NUP210L: variants seen among roughly 807,000 people sequenced by gnomAD.
The protein encoded by NUP210L is nuclear pore membrane glycoprotein 210-like.
Under a neutral mutation model 208.5 loss-of-function variants are expected in NUP210L, and 74 were observed. The observed-to-expected ratio is 0.35, with a 90% CI of 0.29 to 0.43. NUP210L has a LOEUF of 0.43. NUP210L is among the 20% of genes least tolerant of loss of function. The pLI is 1.00. For missense variants in NUP210L, 1,843 were observed against 2,289.4 expected (o/e 0.81, Z 3.98); for synonymous variants, 780 against 816.9 (o/e 0.95, Z 0.77).
At chr1:154,054,201 A>G in intron 25 of NUP210L, 27 bp downstream of exon 25, 2 of 1,611,952 alleles carry the variant, frequency 1.2e-6, no homozygotes, top group Non-Finnish European at 1.7e-6. Context: ...AGAAGAATAG[A>G]AGCAGAGCAG....
chr1:154,082,271 T>G (rs773635812), intron 16 of NUP210L, among the ~76,000 whole-genome samples: 5 of 152,196 alleles, frequency 3.3e-5, no homozygotes, highest in Non-Finnish European at 7.3e-5. Context: ...AGGGCAGTCT[T>G]GTTGGGAACT....
chr1:154,113,563 A>G (rs1186577417), intron 12 of NUP210L, among the ~76,000 whole-genome samples: 3 of 152,154 alleles, frequency 2.0e-5, no homozygotes, highest in Non-Finnish European at 4.4e-5. Context: ...GTGGCCTGTA[A>G]AGACTAATGT....
At chr1:154,120,918 T>C (rs976533920) in intron 10 of NUP210L, among the ~76,000 whole-genome samples, 8 of 143,532 alleles carry the variant, frequency 5.6e-5, no homozygotes, top group African/African-American at 2.1e-4. Context: ...AAAAAAAAAG[T>C]AGTGCATTAT....
intron 10 of NUP210L, among the ~76,000 whole-genome samples, chr1:154,125,622 A>AAGG (rs1657862621): frequency 3.5e-5 from 2 of 57,428 alleles, no homozygotes; most frequent in African/African-American, 7.5e-5. Context: ...GCCCTCTCTG[A>AAGG]AAGGAAGGAA....
chr1:154,077,797 C>T (rs1465167851), intron 16 of NUP210L, among the ~76,000 whole-genome samples: 3 of 151,820 alleles, frequency 2.0e-5, no homozygotes, highest in Non-Finnish European at 2.9e-5. Context: ...CCAGCCTGAC[C>T]AATATGGTAA....
Position 154,030,700 on chromosome 1 carries a change from T to C in NUP210L, c.3697-646A>G, listed in dbSNP as rs193015446. On this transcript the variant is annotated intron_variant, in intron 27 of 39. Transcript: ENST00000368559. ...TAATCACATCAGGGTAAGTGGGGTA[T>C]GCATCACCTCAAGCACACTTTAAGT... Among the ~76,000 whole-genome samples, 289 of 152,202 alleles carry C rather than the reference T, an allele frequency of 1.9e-3. 4 individuals are homozygous for C. The highest frequency in any genetic ancestry group is 4.0e-4 in the Non-Finnish European group (27 of 68,006).
At position 154,070,197 on chromosome 1, in the gene NUP210L, A is replaced by G. The variant is rs1654637952; in HGVS notation, c.2554+76T>C. The G allele has an allele frequency of 2.3e-6, 3 of 1,280,308 alleles. No homozygotes were observed. The East Asian group carries it at 7.1e-5, about 30-fold the overall frequency. The allele number at this position is 1,280,308 out of a possible 1,614,324, so 79.3% of individuals were successfully genotyped here. On this transcript the variant is annotated intron_variant, in intron 17 of 39. Transcript: ENST00000368559. The stretch of plus-strand genomic sequence containing the variant: ...CACATGTACCCTAGAACTTAAAGCA[A>G]AAAACAAAACAAAACAAAACAAACA...
chr1:154,098,293 G>A (rs555446253), intron 14 of NUP210L, among the ~76,000 whole-genome samples: 4 of 152,328 alleles, frequency 2.6e-5, no homozygotes, highest in East Asian at 1.9e-4. Flanking sequence ...CCCAGGTCTC[G>A]GCTCCCTGAA....
chr1:154,055,155 C>CTT (rs3076129), intron 23 of NUP210L, among the ~76,000 whole-genome samples: 1 of 108,760 alleles, frequency 9.2e-6, no homozygotes, highest in African/African-American at 4.1e-5. Flanking sequence ...TTCTTTCTTT[C>CTT]TTTCTTTCTT....
intron 6 of NUP210L, among the ~76,000 whole-genome samples, chr1:154,136,577 G>A (rs2148135007): frequency 6.6e-6 from 1 of 152,060 alleles, no homozygotes; most frequent in Non-Finnish European, 1.5e-5. Context: ...GTCATCATTA[G>A]TAAGAAAAAG....
At chr1:153,994,440 T>C (rs1187321850) in intron 38 of NUP210L, among the ~76,000 whole-genome samples, 2 of 151,780 alleles carry the variant, frequency 1.3e-5, no homozygotes, top group African/African-American at 2.4e-5. Context: ...GCCTCCCGAG[T>C]AGCTGGGATT....
intron 16 of NUP210L, among the ~76,000 whole-genome samples, chr1:154,085,469 A>G (rs1235671739): frequency 6.6e-6 from 1 of 152,170 alleles, no homozygotes; most frequent in East Asian, 1.9e-4. Context: ...TAAACAGGAA[A>G]CATTGTTGAA....
At chr1:154,108,622 C>T (rs1239532828) in intron 12 of NUP210L, among the ~76,000 whole-genome samples, 3 of 151,502 alleles carry the variant, frequency 2.0e-5, no homozygotes, top group East Asian at 3.8e-4. Flanking sequence ...TAAAACATAC[C>T]ACTGGAGAAA....
chr1:154,025,028 A>C (rs1326122775), intron 30 of NUP210L, among the ~76,000 whole-genome samples: 1 of 141,608 alleles, frequency 7.1e-6, no homozygotes, highest in Non-Finnish European at 1.5e-5. Flanking sequence ...CCCGGGGTTC[A>C]CGGCATTCTC....
At chr1:154,133,976 C>T (rs1349736394) in intron 7 of NUP210L, among the ~76,000 whole-genome samples, 1 of 151,526 alleles carries the variant, frequency 6.6e-6, no homozygotes, top group East Asian at 1.9e-4. Flanking sequence ...ATGGTGAAAC[C>T]CCATCTCTAC....
chr1:154,037,226 C>T (rs998809344), intron 27 of NUP210L, among the ~76,000 whole-genome samples: 7 of 152,090 alleles, frequency 4.6e-5, no homozygotes, highest in South Asian at 4.2e-4. Flanking sequence ...AGAGTAAGTC[C>T]GAAGTTTCTT....
intron 3 of NUP210L, among the ~76,000 whole-genome samples, chr1:154,142,132 G>C (rs546913437): frequency 2.0e-5 from 3 of 149,528 alleles, no homozygotes; most frequent in Non-Finnish European, 4.4e-5. Flanking sequence ...ACTCCAGCCT[G>C]AGTGACAGAC....
intron 27 of NUP210L, among the ~76,000 whole-genome samples, chr1:154,032,799 T>G (rs1652307193): frequency 6.6e-6 from 1 of 150,398 alleles, no homozygotes; most frequent in African/African-American, 2.4e-5. Flanking sequence ...GTGCCTGTAG[T>G]CCCAGCTACT....
chr1:154,123,912 G>A lies in NUP210L; in HGVS notation c.1326+2411C>T, dbSNP rs796571800. The stretch of plus-strand genomic sequence containing the variant: ...AAAAAGAGAGAGAGAGGCTGGGCGC[G>A]GTGGCTCATGCCTGTAATCCTAGCA... On this transcript the variant is annotated intron_variant, in intron 10 of 39. Transcript: ENST00000368559. Among the ~76,000 whole-genome samples the A allele has an allele frequency of 7.3e-5, 11 of 150,878 alleles. 1 individual carries two copies. The highest frequency in any genetic ancestry group is 2.4e-4 in the African/African-American group (10 of 41,118).
Sources: gnomAD v4.1 joint callset for allele counts (sites outside exome capture counted in the v4.1 genomes callset) on GRCh38, gnomAD v4.1.1 for gene constraint, MANE v1.5 for transcripts, NCBI Gene and HGNC (gene_info 2026-07-23, HGNC 2026-07-21) for gene names.